The following FBXO34 variants were observed in gnomAD, a reference collection of about 807,000 sequenced individuals.
The protein encoded by FBXO34 is F-box protein 34, also known as F-box only protein 34.
In FBXO34, 12 loss-of-function variants were observed where a neutral mutation model predicts 24.5. The ratio of observed to expected loss-of-function variants is 0.49; its 90% confidence interval spans 0.31 to 0.79. FBXO34 has a LOEUF of 0.79. Among genes scored for constraint, FBXO34 ranks in the 30% least tolerant of loss-of-function variants. FBXO34 has a pLI of 0.04. For missense variants in FBXO34, 823 were observed against 857.7 expected, an observed-to-expected ratio of 0.96 and a Z score of 0.51; for synonymous variants, 320 against 311.9, an observed-to-expected ratio of 1.03 and a Z score of -0.27.
downstream of FBXO34, among the ~76,000 whole-genome samples, chr14:55,371,316 C>T (rs139442152): frequency 1.6e-3 from 250 of 152,310 alleles, 1 homozygote; most frequent in South Asian, 0.023. Context: ...CGCACCTCAC[C>T]AGGTCTGCAC....
chr14:55,290,025 T>G (rs1881890422), intron 1 of FBXO34, among the ~76,000 whole-genome samples: 1 of 152,180 alleles, frequency 6.6e-6, no homozygotes. Context: ...TTTTAAAAAT[T>G]CAGGAGGGTG....
the FBXO34 span, among the ~76,000 whole-genome samples, chr14:55,409,423 T>C: frequency 3.3e-5 from 5 of 152,086 alleles, no homozygotes; most frequent in Admixed American, 6.6e-5. Flanking sequence ...GTGGGGGCAG[T>C]TAGACAAATT....
chr14:55,424,962 TAAA>T, the FBXO34 span, among the ~76,000 whole-genome samples: 4 of 151,880 alleles, frequency 2.6e-5, no homozygotes, highest in Non-Finnish European at 5.9e-5. Flanking sequence ...AGGAGGTGAA[TAAA>T]ACTATTCTCA....
chr14:55,428,726 A>T, the FBXO34 span: 1 of 1,413,920 alleles, frequency 7.1e-7, no homozygotes. Flanking sequence ...AATTTCTCTG[A>T]AAGATACTTT....
At chr14:55,275,135 G>A (rs1881290723) in intron 1 of FBXO34, among the ~76,000 whole-genome samples, 1 of 152,194 alleles carries the variant, frequency 6.6e-6, no homozygotes, top group African/African-American at 2.4e-5. Context: ...CATTAATACA[G>A]TGTAGTTGTT....
At chr14:55,371,894 A>G (rs982095715), downstream of FBXO34, among the ~76,000 whole-genome samples, 2 of 152,168 alleles carry the variant, frequency 1.3e-5, no homozygotes, top group African/African-American at 4.8e-5. Flanking sequence ...AGTATTTTGC[A>G]AGGGTGAAAG....
At chr14:55,365,563 C>G (rs1374456911), downstream of FBXO34, among the ~76,000 whole-genome samples, 3 of 152,150 alleles carry the variant, frequency 2.0e-5, no homozygotes, top group African/African-American at 7.2e-5. Context: ...CTACCAATGA[C>G]AAAGTTATCC....
chr14:55,381,874 G>A, the FBXO34 span: 3 of 1,127,726 alleles, frequency 2.7e-6, no homozygotes, highest in Non-Finnish European at 3.9e-6. Context: ...CCCCTGAATG[G>A]TTCACTTGAA....
the FBXO34 span, among the ~76,000 whole-genome samples, chr14:55,379,866 G>A: frequency 5.9e-5 from 9 of 152,292 alleles, no homozygotes; most frequent in African/African-American, 1.7e-4. Flanking sequence ...GGATACAGGC[G>A]CAGGCCACCA....
At chr14:55,401,678 C>A in the FBXO34 span, among the ~76,000 whole-genome samples, 3 of 152,042 alleles carry the variant, frequency 2.0e-5, no homozygotes, top group African/African-American at 7.2e-5. Context: ...AAGGTACTCC[C>A]TTAAACTGAC....
the FBXO34 span, among the ~76,000 whole-genome samples, chr14:55,422,453 G>T: frequency 6.6e-6 from 1 of 152,086 alleles, no homozygotes; most frequent in Non-Finnish European, 1.5e-5. Flanking sequence ...GTTTCACCAT[G>T]TTGGCCAGGC....
chr14:55,406,770 T>C, the FBXO34 span, among the ~76,000 whole-genome samples: 1 of 152,178 alleles, frequency 6.6e-6, no homozygotes, highest in African/African-American at 2.4e-5. Context: ...GATGGAGAGT[T>C]AGGTGAAGCT....
Position 55,351,808 on chromosome 14 carries a change from C to A in FBXO34, c.1418C>A (p.Ser473Tyr), listed in dbSNP as rs1324012875. The A allele has an allele frequency of 6.2e-7, 1 of 1,614,166 alleles. No individual in the cohort carries two copies. Among genetic ancestry groups the A allele is most frequent in the Middle Eastern group, 1.6e-4 (1 of 6,062 alleles). ...AAAGACCAGCCTTCCATTTTAAACT[C>A]CTGTGAAGACCCAGTTCCAGGGATG... The part of the protein sequence containing the change: ...VDKDQPSILN[S>Y]CEDPVPGMLF... The change falls in exon 2 of 2, where the codon TCC becomes TAC. Residue 473 changes from serine to tyrosine, a missense_variant. Coordinates refer to ENST00000313833, the MANE Select transcript of FBXO34 (RefSeq NM_017943.4).
At chr14:55,327,907 G>GGTT (rs1883396148) in intron 1 of FBXO34, among the ~76,000 whole-genome samples, 1 of 73,872 alleles carries the variant, frequency 1.4e-5, no homozygotes, top group Non-Finnish European at 2.7e-5. Context: ...TGTTGTTGTT[G>GGTT]GTTTTTTTTT....
At chr14:55,344,484 C>T (rs1209315601) in intron 1 of FBXO34, among the ~76,000 whole-genome samples, 7 of 151,684 alleles carry the variant, frequency 4.6e-5, no homozygotes, top group South Asian at 2.1e-4. Flanking sequence ...TGAGTCATTT[C>T]GCCTCCTGGA....
intron 1 of FBXO34, among the ~76,000 whole-genome samples, chr14:55,305,911 T>A (rs1257388031): frequency 2.6e-5 from 4 of 152,240 alleles, no homozygotes; most frequent in Non-Finnish European, 5.9e-5. Context: ...TTTCATCTCC[T>A]TTCTGATTTT....
At chr14:55,358,714 GGGGGTAGTAGTGGGT>G (rs1424762625) in intron 3 of FBXO34, among the ~76,000 whole-genome samples, 1 of 152,204 alleles carries the variant, frequency 6.6e-6, no homozygotes, top group Non-Finnish European at 1.5e-5. Context: ...CTGCCTGGTT[GGGGGTAGTAGTGGGT>G]GGGGTAGTAG....
At chr14:55,420,775 G>A in the FBXO34 span, among the ~76,000 whole-genome samples, 1 of 152,080 alleles carries the variant, frequency 6.6e-6, no homozygotes, top group Non-Finnish European at 1.5e-5. Context: ...AAAGAAATTT[G>A]GGGGTTGGGT....
Position 55,283,942 on chromosome 14 carries a change from CTATG to C in FBXO34, c.-11+12407_-11+12410del, listed in dbSNP as rs1352045038. Among the ~76,000 whole-genome samples, 1,004 of 130,874 alleles carry C rather than the reference CTATG, an allele frequency of 7.7e-3. 11 individuals are homozygous for C. Among genetic ancestry groups the C allele is most frequent in the African/African-American group, 0.02 (650 of 32,052 alleles). 85.9% of individuals were successfully genotyped at this position (130,874 alleles called of 152,430 possible). A position where few individuals can be genotyped will look rare whatever the true frequency, so the allele number is the denominator to read the frequency against. On this transcript the variant is annotated intron_variant, in intron 1 of 1. Coordinates refer to ENST00000313833, the MANE Select transcript of FBXO34 (RefSeq NM_017943.4). ...TAAAACGTGACTTTACATTCTAAGA[CTATG>C]TGTGTGTGTGTGTGTGTGTGTGTGT...
Sources: gnomAD v4.1 joint callset for allele counts (sites outside exome capture counted in the v4.1 genomes callset) on GRCh38, gnomAD v4.1.1 for gene constraint, MANE v1.5 for transcripts, NCBI Gene and HGNC (gene_info 2026-07-23, HGNC 2026-07-21) for gene names.